The following ZNF546 variants were observed in gnomAD, a reference collection of about 807,000 sequenced individuals.
ZNF546 encodes CTC-471F3.6.
Under a neutral mutation model 76.2 loss-of-function variants are expected in ZNF546, and 60 were observed. The observed-to-expected ratio is 0.79, with a 90% CI of 0.64 to 0.98. The LOEUF (loss-of-function observed/expected upper bound fraction) is 0.98. Ranked by LOEUF, ZNF546 falls within the 50% of genes least tolerant of loss-of-function variation. ZNF546 has a pLI of 0.00. For synonymous variants in ZNF546, 277 were observed against 328.1 expected (o/e 0.84, Z 1.68); for missense variants, 936 against 1,035.6 (o/e 0.90, Z 1.32).
chr19:40,010,402 G>GAA (rs552930374), intron 6 of ZNF546, among the ~76,000 whole-genome samples: 5 of 112,934 alleles, frequency 4.4e-5, no homozygotes, highest in Admixed American at 1.8e-4. Context: ...GATAATGTCT[G>GAA]AAAAAAAAAA....
chr19:40,015,637 T>C lies in ZNF546; in HGVS notation c.2367T>C (p.Asn789=). Residue 789 remains asparagine, a synonymous_variant, in exon 7 of 7, where the codon AAT becomes AAC. Transcript: ENST00000347077. ...CKECGKAFSV[N]SELTRHHRIH... ...AATGTGGGAAAGCCTTCAGTGTTAATTCAGAACTTACTCGACATCACAGAA... is the reference window on the plus strand; with the variant it reads ...AATGTGGGAAAGCCTTCAGTGTTAACTCAGAACTTACTCGACATCACAGAA... The C allele has an allele frequency of 6.2e-7, 1 of 1,611,984 alleles. No homozygotes were observed. The highest frequency in any genetic ancestry group is 8.5e-7 in the Non-Finnish European group (1 of 1,179,284).
intron 4 of ZNF546, 89 bp from the exon 5 acceptor site, chr19:40,007,185 G>T: frequency 9.7e-7 from 1 of 1,033,444 alleles, no homozygotes; most frequent in Non-Finnish European, 1.3e-6. Flanking sequence ...CAGTTTATTT[G>T]CTTACTATGT....
rs1971820147 is a variant in ZNF546, at chr19:40,019,089, A to G, written c.*3308A>G. 6.6e-6 allele frequency: 1 copy of G among 152,238 alleles called. No homozygotes were observed. Among genetic ancestry groups the G allele is most frequent in the Non-Finnish European group, 1.5e-5 (1 of 68,044 alleles). 9.4% of individuals were successfully genotyped at this position (152,238 alleles called of 1,614,324 possible). ...GTAGAGTAGTACTTTGGCATTTCGG[A>G]AATTTAAAATCTCCAATAATATAAT... On this transcript the variant is annotated 3_prime_UTR_variant, in exon 7 of 7. Transcript: ENST00000347077.
chr19:40,007,407 T>C lies in ZNF546; in HGVS notation c.298+7T>C. 2 of 1,578,512 alleles carry C rather than the reference T, an allele frequency of 1.3e-6. No individual in the cohort carries two copies. The highest frequency in any genetic ancestry group is 8.6e-7 in the Non-Finnish European group (1 of 1,163,274). ...AGCAACCTGGTCTCACTGGGTAAGG[T>C]ATCTTTCGAAATCGTTTACAATCTG... On this transcript the variant is annotated splice_region_variant and intron_variant, in intron 5 of 6. Transcript: ENST00000347077.
chr19:40,007,786 A>G (rs190025564), intron 5 of ZNF546, among the ~76,000 whole-genome samples: 1 of 152,306 alleles, frequency 6.6e-6, no homozygotes, highest in East Asian at 1.9e-4. Flanking sequence ...AAGAACCTCC[A>G]TGGATTATAC....
At chr19:40,003,703 A>T (rs1281189928) in intron 3 of ZNF546, among the ~76,000 whole-genome samples, 1 of 152,136 alleles carries the variant, frequency 6.6e-6, no homozygotes, top group African/African-American at 2.4e-5. Flanking sequence ...GGGAAAAAAG[A>T]CATTCAGTAA....
In ZNF546 at chr19:40,015,517, T is replaced by C; in HGVS notation, c.2247T>C (p.Tyr749=). 1 of 1,614,006 alleles carries C rather than the reference T, an allele frequency of 6.2e-7. No homozygotes were observed. The highest frequency in any genetic ancestry group is 8.5e-7 in the Non-Finnish European group (1 of 1,179,992). Reference sequence around the variant, plus strand: ...GACTTCATACTGGTGAGAAACCTTATAGCTGTAAAGAATGTGGGAATGCCT... The same window carrying C: ...GACTTCATACTGGTGAGAAACCTTACAGCTGTAAAGAATGTGGGAATGCCT... The part of the protein sequence containing the change: ...HFRLHTGEKP[Y]SCKECGNAFR... The change falls in exon 7 of 7, where the codon TAT becomes TAC. Residue 749 remains tyrosine, a synonymous_variant. Coordinates refer to ENST00000347077, the MANE Select transcript of ZNF546 (RefSeq NM_178544.5).
chr19:40,007,672 T>C (rs1971621813), intron 5 of ZNF546, among the ~76,000 whole-genome samples: 1 of 152,198 alleles, frequency 6.6e-6, no homozygotes, highest in Admixed American at 6.5e-5. Flanking sequence ...TCAGATTTCA[T>C]ATAATGCATA....
intron 3 of ZNF546, 126 bp from the exon 4 acceptor site, chr19:40,005,970 A>C (rs1971597054): frequency 3.7e-6 from 3 of 814,322 alleles, no homozygotes; most frequent in Admixed American, 2.5e-5. Flanking sequence ...TATCTTCCCC[A>C]GTTTATATGC....
At chr19:40,003,351 A>C (rs2144639153) in intron 3 of ZNF546, among the ~76,000 whole-genome samples, 1 of 152,294 alleles carries the variant, frequency 6.6e-6, no homozygotes, top group South Asian at 2.1e-4. Flanking sequence ...ATTTGATTTA[A>C]ATAACCATAT....
rs746309470 is a variant in ZNF546, at chr19:39,998,357, C to T, written c.31C>T (p.Pro11Ser). 6.8e-6 allele frequency: 11 copies of T among 1,614,174 alleles called. No individual in the cohort carries two copies. Among genetic ancestry groups the T allele is most frequent in the Non-Finnish European group, 9.3e-6 (11 of 1,180,020 alleles). The change falls in exon 3 of 7, where the codon CCA becomes TCA. Residue 11 changes from proline (P) to serine (S), a missense_variant. Coordinates refer to ENST00000347077, the MANE Select transcript of ZNF546 (RefSeq NM_178544.5). ...GGTGGACCCTCCTCTTCACGGGCCT[C>T]CAAATGACTTTCTCATTTTTCAAAT... The part of the protein sequence containing the change: MQVDPPLHGP[P>S]NDFLIFQIIP...
At chr19:40,003,126 C>T (rs543665836) in intron 3 of ZNF546, among the ~76,000 whole-genome samples, 2 of 151,060 alleles carry the variant, frequency 1.3e-5, no homozygotes, top group South Asian at 4.2e-4. Context: ...AGCTCTGCCT[C>T]CCAGGTTCAC....
intron 2 of ZNF546, 140 bp from the exon 3 acceptor site, chr19:39,998,108 T>C: frequency 1.8e-6 from 1 of 541,778 alleles, no homozygotes; most frequent in East Asian, 3.1e-5. Flanking sequence ...TCTGTAGCTT[T>C]CATTTGCATT....
chr19:40,020,600 A>T lies in ZNF546; in HGVS notation c.*4819A>T, dbSNP rs895069361. 2.6e-5 allele frequency: 4 copies of T among 152,070 alleles called. No homozygotes were observed. Among genetic ancestry groups the T allele is most frequent in the Admixed American group, 6.5e-5 (1 of 15,284 alleles). 9.4% of individuals were successfully genotyped at this position (152,070 alleles called of 1,614,324 possible). A position where few individuals can be genotyped will look rare whatever the true frequency, so the allele number is the denominator to read the frequency against. On this transcript the variant is annotated 3_prime_UTR_variant, in exon 7 of 7. Coordinates refer to ENST00000347077, the MANE Select transcript of ZNF546 (RefSeq NM_178544.5). ...GTTTTGAATACTAAATCCCTTTTTT[A>T]AAAAAGTGCTTATTATCAGGCTATC...
At chr19:39,998,227 A>G (rs1971480022) in intron 2 of ZNF546, 21 bp from the exon 3 acceptor site, 1 of 860,188 alleles carries the variant, frequency 1.2e-6, no homozygotes, top group African/African-American at 1.7e-5. Context: ...AAATAAATGC[A>G]TAAAATGTTT....
intron 5 of ZNF546, among the ~76,000 whole-genome samples, chr19:40,008,201 G>A (rs73547626): frequency 0.019 from 2,870 of 152,272 alleles, 58 homozygotes; most frequent in African/African-American, 0.045. Flanking sequence ...TCCAGAGGGT[G>A]TGCTCACTGG....
rs886873548 is a variant in ZNF546, at chr19:40,018,336, A to G, written c.*2555A>G. ...TTCCCATTAACTGGAATTTGGGATT[A>G]GAGACCCAATTAGGGACAGATTAAA... is the stretch of plus-strand genomic sequence containing the variant. On this transcript the variant is annotated 3_prime_UTR_variant, in exon 7 of 7. Coordinates refer to ENST00000347077, the MANE Select transcript of ZNF546 (RefSeq NM_178544.5). 1.3e-5 allele frequency: 2 copies of G among 152,230 alleles called. No homozygotes were observed. Among genetic ancestry groups the G allele is most frequent in the Non-Finnish European group, 2.9e-5 (2 of 68,046 alleles). The allele number at this position is 152,230 out of a possible 1,614,324, so 9.4% of individuals were successfully genotyped here. A position where few individuals can be genotyped will look rare whatever the true frequency, so the allele number is the denominator to read the frequency against.
intron 6 of ZNF546, among the ~76,000 whole-genome samples, chr19:40,010,445 C>G (rs1429598438): frequency 6.6e-6 from 1 of 150,800 alleles, no homozygotes; most frequent in East Asian, 1.9e-4. Context: ...TATCTTTTTA[C>G]TTTCCCAGCA....
In ZNF546 at chr19:40,019,250, T is replaced by C. The variant is rs1162380527; in HGVS notation, c.*3469T>C. 6.6e-6 allele frequency: 1 copy of C among 152,212 alleles called. No homozygotes were observed. Among genetic ancestry groups the C allele is most frequent in the East Asian group, 1.9e-4 (1 of 5,198 alleles). The allele number at this position is 152,212 out of a possible 1,614,324, so 9.4% of individuals were successfully genotyped here. On this transcript the variant is annotated 3_prime_UTR_variant, in exon 7 of 7. Coordinates refer to ENST00000347077, the MANE Select transcript of ZNF546 (RefSeq NM_178544.5). The stretch of plus-strand genomic sequence containing the variant: ...TGTTAATATATTCAGGAAACAAATA[T>C]TGAGGGCCAGCACTTTGTTTCTCCT...
Sources: gnomAD v4.1 joint callset for allele counts (sites outside exome capture counted in the v4.1 genomes callset) on GRCh38, gnomAD v4.1.1 for gene constraint, MANE v1.5 for transcripts, NCBI Gene and HGNC (gene_info 2026-07-23, HGNC 2026-07-21) for gene names.